HDAC9: variants seen among roughly 807,000 people sequenced by gnomAD.
HDAC9 encodes MEF-2 interacting transcription repressor (MITR) protein.
HDAC9 carries 41 observed loss-of-function variants against 139.4 expected under a neutral mutation model. The observed-to-expected ratio is 0.29, with a 90% CI of 0.23 to 0.38. The LOEUF is 0.38. HDAC9 is among the 10% of genes least tolerant of loss of function. The pLI, the probability that HDAC9 is intolerant of heterozygous loss-of-function variation, is 1.00. For missense variants in HDAC9, 1,147 were observed against 1,297.0 expected (o/e 0.88, Z 1.78); for synonymous variants, 517 against 476.2 (o/e 1.09, Z -1.12).
intron 1 of HDAC9, among the ~76,000 whole-genome samples, chr7:18,435,837 GT>G (rs1791145799): frequency 6.6e-6 from 1 of 150,642 alleles, no homozygotes; most frequent in South Asian, 2.1e-4. Flanking sequence ...ATGGAAAGAT[GT>G]CCAAGACATG....
At chr7:18,427,669 C>T (rs1445983084) in intron 1 of HDAC9, among the ~76,000 whole-genome samples, 2 of 151,288 alleles carry the variant, frequency 1.3e-5, no homozygotes, top group Non-Finnish European at 2.9e-5. Context: ...CACCTCTCAT[C>T]GCCCACCCTG....
At chr7:18,187,326 T>C (rs1468354565) in intron 2 of HDAC9, among the ~76,000 whole-genome samples, 1 of 152,242 alleles carries the variant, frequency 6.6e-6, no homozygotes, top group African/African-American at 2.4e-5. Flanking sequence ...TTAAGAGGCA[T>C]GTCTGGCACA....
At chr7:18,434,139 A>T (rs1167193140) in intron 1 of HDAC9, among the ~76,000 whole-genome samples, 1 of 152,224 alleles carries the variant, frequency 6.6e-6, no homozygotes, top group Non-Finnish European at 1.5e-5. Flanking sequence ...ATCTTTGGCA[A>T]AGTTGACAAA....
chr7:18,716,330 C>G (rs1254895303), intron 12 of HDAC9, among the ~76,000 whole-genome samples: 1 of 152,102 alleles, frequency 6.6e-6, no homozygotes, highest in African/African-American at 2.4e-5. Flanking sequence ...AGTTAAAAAG[C>G]AAATGAAGGA....
intron 1 of HDAC9, among the ~76,000 whole-genome samples, chr7:18,464,079 TG>T (rs1300871128): frequency 2.0e-5 from 3 of 152,014 alleles, no homozygotes; most frequent in Non-Finnish European, 4.4e-5. Context: ...TTTGTCTATT[TG>T]ACTTTTATTT....
At chr7:18,937,848 G>A (rs1460062520) in intron 23 of HDAC9, among the ~76,000 whole-genome samples, 2 of 152,138 alleles carry the variant, frequency 1.3e-5, no homozygotes, top group African/African-American at 4.8e-5. Flanking sequence ...GATTTTACTG[G>A]CTTTCTTTGA....
At chr7:18,864,100 G>C (rs1406628759) in intron 21 of HDAC9, among the ~76,000 whole-genome samples, 1 of 152,152 alleles carries the variant, frequency 6.6e-6, no homozygotes, top group Non-Finnish European at 1.5e-5. Context: ...CAGTGTACAA[G>C]TGTTCCAATT....
intron 1 of HDAC9, among the ~76,000 whole-genome samples, chr7:18,123,304 C>T (rs545449335): frequency 7.9e-4 from 120 of 152,286 alleles, no homozygotes; most frequent in African/African-American, 2.6e-3. Flanking sequence ...CAGCTGATAA[C>T]TCAGTTTCAT....
intron 1 of HDAC9, among the ~76,000 whole-genome samples, chr7:18,290,673 CAGT>C (rs1307872381): frequency 8.5e-5 from 13 of 152,154 alleles, no homozygotes; most frequent in Admixed American, 3.3e-4. Flanking sequence ...CAATCAGTAA[CAGT>C]AGCAACAACA....
At chr7:18,546,518 A>G (rs939953439) in intron 2 of HDAC9, among the ~76,000 whole-genome samples, 1 of 152,144 alleles carries the variant, frequency 6.6e-6, no homozygotes, top group Non-Finnish European at 1.5e-5. Context: ...TTATATTTCA[A>G]CCTGACCTAT....
At chr7:18,106,217 A>G (rs1184976802) in intron 1 of HDAC9, among the ~76,000 whole-genome samples, 1 of 152,198 alleles carries the variant, frequency 6.6e-6, no homozygotes, top group East Asian at 1.9e-4. Flanking sequence ...AGGTATGTGA[A>G]TGATACCTCA....
chr7:18,647,155 T>C (rs1787688595), intron 9 of HDAC9, among the ~76,000 whole-genome samples: 1 of 152,152 alleles, frequency 6.6e-6, no homozygotes, highest in South Asian at 2.1e-4. Flanking sequence ...CCCCATGATA[T>C]AGTCTTTGAA....
chr7:18,541,021 C>T (rs1308802720), intron 2 of HDAC9, among the ~76,000 whole-genome samples: 1 of 151,942 alleles, frequency 6.6e-6, no homozygotes, highest in African/African-American at 2.4e-5. Context: ...AATTTGAGTC[C>T]AGGTATTTGA....
chr7:18,901,135 A>C (rs924694093), intron 22 of HDAC9, among the ~76,000 whole-genome samples: 1 of 151,210 alleles, frequency 6.6e-6, no homozygotes, highest in African/African-American at 2.4e-5. Flanking sequence ...CCAAAAAGAT[A>C]CTTTATTCCC....
intron 21 of HDAC9, among the ~76,000 whole-genome samples, chr7:18,859,993 C>A (rs546510447): frequency 3.6e-4 from 54 of 151,042 alleles, no homozygotes; most frequent in South Asian, 1.7e-3. Context: ...TAAAGAGAGG[C>A]TCATTTGAAA....
At position 19,002,124 on chromosome 7, in the gene HDAC9, T is replaced by C. The variant is rs1269147456; in HGVS notation, c.*6062T>C. On this transcript the variant is annotated 3_prime_UTR_variant, in exon 26 of 26. Transcript: ENST00000686413. ...TGAGAAAAATACATGTTGCCAAACT[T>C]TTCTTAAAATTGTGCTGCCAGTGGT... is the stretch of plus-strand genomic sequence containing the variant. 3 of 152,090 alleles carry C rather than the reference T, an allele frequency of 2.0e-5. No individual in the cohort carries two copies. The South Asian group carries it at 6.2e-4, about 31-fold the overall frequency. 9.4% of individuals were successfully genotyped at this position (152,090 alleles called of 1,614,324 possible).
intron 1 of HDAC9, among the ~76,000 whole-genome samples, chr7:18,102,484 G>A (rs761088429): frequency 2.0e-5 from 3 of 152,112 alleles, no homozygotes; most frequent in Admixed American, 6.5e-5. Flanking sequence ...ACATGGCTAT[G>A]TTTCCAATAT....
intron 25 of HDAC9, among the ~76,000 whole-genome samples, chr7:18,976,607 C>G (rs1026495212): frequency 1.3e-5 from 2 of 152,290 alleles, no homozygotes; most frequent in South Asian, 2.1e-4. Flanking sequence ...TACAGTGAAA[C>G]TAAGATTTGA....
intron 16 of HDAC9, among the ~76,000 whole-genome samples, chr7:18,775,850 C>A (rs17349342): frequency 0.41 from 62,431 of 151,822 alleles, 14,086 homozygotes; most frequent in Non-Finnish European, 0.52. Flanking sequence ...CTCAGTTGAA[C>A]CAGATTCAAA....
Sources: gnomAD v4.1 joint callset for allele counts (sites outside exome capture counted in the v4.1 genomes callset) on GRCh38, gnomAD v4.1.1 for gene constraint, MANE v1.5 for transcripts, NCBI Gene and HGNC (gene_info 2026-07-23, HGNC 2026-07-21) for gene names.